Variants in LTBP1 observed in about 807,000 individuals in gnomAD.
The protein encoded by LTBP1 is latent-transforming growth factor beta-binding protein 1.
In LTBP1, 129 loss-of-function variants were observed where a neutral mutation model predicts 207.6. The ratio of observed to expected loss-of-function variants is 0.62; its 90% confidence interval spans 0.54 to 0.72. The LOEUF is 0.72. Ranked by LOEUF, LTBP1 falls within the 30% of genes least tolerant of loss-of-function variation. LTBP1 has a pLI of 0.00. For synonymous variants in LTBP1, 963 were observed against 833.7 expected (o/e 1.16, Z -2.67); for missense variants, 2,281 against 2,217.2 (o/e 1.03, Z -0.58).
chr2:33,283,224 T>C (rs2093596648), intron 19 of LTBP1, among the ~76,000 whole-genome samples: 1 of 152,062 alleles, frequency 6.6e-6, no homozygotes. Context: ...AAAAGTAAAG[T>C]AAAAGATTCA....
intron 24 of LTBP1, among the ~76,000 whole-genome samples, chr2:33,342,335 T>G (rs1237273228): frequency 6.6e-6 from 1 of 152,230 alleles, no homozygotes; most frequent in Non-Finnish European, 1.5e-5. Context: ...CCTGCTGACT[T>G]CATCAGACTC....
intron 5 of LTBP1, among the ~76,000 whole-genome samples, chr2:33,150,663 C>A (rs2083436797): frequency 6.8e-6 from 1 of 146,002 alleles, no homozygotes; most frequent in Admixed American, 6.8e-5. Flanking sequence ...TTGTGACTAG[C>A]TTATTTCACT....
intron 24 of LTBP1, among the ~76,000 whole-genome samples, chr2:33,320,397 A>G (rs79493200): frequency 0.04 from 4,494 of 112,182 alleles, 105 homozygotes; most frequent in Non-Finnish European, 0.056. Context: ...AAACTCTGTG[A>G]AAAAAAAAAA....
chr2:33,173,931 A>G (rs2085739926), intron 5 of LTBP1, among the ~76,000 whole-genome samples: 1 of 144,696 alleles, frequency 6.9e-6, no homozygotes, highest in African/African-American at 2.5e-5. Flanking sequence ...TAGATGCAGA[A>G]AAGACCTTTG....
At chr2:32,977,796 C>T (rs1404936390) in intron 2 of LTBP1, among the ~76,000 whole-genome samples, 1 of 152,188 alleles carries the variant, frequency 6.6e-6, no homozygotes, top group Non-Finnish European at 1.5e-5. Flanking sequence ...CCTCTTTGCT[C>T]TCTGTGTCCC....
intron 10 of LTBP1, among the ~76,000 whole-genome samples, chr2:33,244,735 A>C (rs1027256542): frequency 6.6e-6 from 1 of 152,200 alleles, no homozygotes; most frequent in Non-Finnish European, 1.5e-5. Context: ...GACTATAGAC[A>C]TGGGCCTTGT....
In LTBP1 at chr2:32,947,166, C is replaced by T. The variant is rs1242572108; in HGVS notation, c.-159C>T. The T allele has an allele frequency of 2.2e-6, 1 of 445,898 alleles. No homozygotes were observed. Among genetic ancestry groups the T allele is most frequent in the Non-Finnish European group, 3.6e-6 (1 of 280,296 alleles). 27.6% of individuals were successfully genotyped at this position (445,898 alleles called of 1,614,324 possible). On this transcript the variant is annotated 5_prime_UTR_variant, in exon 1 of 34. Coordinates refer to ENST00000404816, the MANE Select transcript of LTBP1 (RefSeq NM_206943.4). Reference sequence around the variant, plus strand: ...CGGGGTCTGGGGCCGCTCAGCTGCCCGCAGAGCCTCCTCCCTCGCCACCGA... The same window carrying T: ...CGGGGTCTGGGGCCGCTCAGCTGCCTGCAGAGCCTCCTCCCTCGCCACCGA...
intron 7 of LTBP1, among the ~76,000 whole-genome samples, chr2:33,208,682 C>G (rs1236622054): frequency 6.6e-6 from 1 of 152,158 alleles, no homozygotes; most frequent in African/African-American, 2.4e-5. Context: ...CAGCCCTGCC[C>G]TGGAGCTTTC....
chr2:33,313,589 G>A (rs1022874898), intron 23 of LTBP1, among the ~76,000 whole-genome samples: 2 of 152,200 alleles, frequency 1.3e-5, no homozygotes, highest in African/African-American at 2.4e-5. Flanking sequence ...GATAAAGGGA[G>A]GGCCTACGAG....
At chr2:33,353,258 C>T (rs1436801808) in intron 26 of LTBP1, among the ~76,000 whole-genome samples, 1 of 152,116 alleles carries the variant, frequency 6.6e-6, no homozygotes, top group East Asian at 1.9e-4. Context: ...GGATTACAGG[C>T]GTGAGCCACT....
At chr2:33,170,965 G>A (rs1350666129) in intron 5 of LTBP1, among the ~76,000 whole-genome samples, 1 of 152,070 alleles carries the variant, frequency 6.6e-6, no homozygotes, top group African/African-American at 2.4e-5. Context: ...CTGCTACAAG[G>A]AAAACTAACA....
chr2:33,121,803 GT>G (rs200083097), intron 4 of LTBP1, among the ~76,000 whole-genome samples: 1 of 151,086 alleles, frequency 6.6e-6, no homozygotes, highest in Non-Finnish European at 1.5e-5. Flanking sequence ...GGTCCAAAGA[GT>G]TTTTTTTTGT....
chr2:33,222,979 A>G (rs1316518623), intron 9 of LTBP1, among the ~76,000 whole-genome samples: 1 of 152,240 alleles, frequency 6.6e-6, no homozygotes, highest in Non-Finnish European at 1.5e-5. Flanking sequence ...GAGAAAGCAG[A>G]GAGCCTCCCA....
chr2:33,326,644 T>TATTTATTTATTTATTC (rs2094431673), intron 24 of LTBP1, among the ~76,000 whole-genome samples: 1 of 148,114 alleles, frequency 6.8e-6, no homozygotes, highest in African/African-American at 2.6e-5. Context: ...GGATATAATT[T>TATTTATTTATTTATTC]ATTTATTTAT....
chr2:33,179,343 T>C (rs1238474548), intron 5 of LTBP1, among the ~76,000 whole-genome samples: 1 of 152,204 alleles, frequency 6.6e-6, no homozygotes, highest in African/African-American at 2.4e-5. Context: ...ACTATGAATA[T>C]TCGTGAAGTC....
intron 7 of LTBP1, among the ~76,000 whole-genome samples, chr2:33,210,293 A>G (rs1211428556): frequency 6.6e-6 from 1 of 152,166 alleles, no homozygotes; most frequent in African/African-American, 2.4e-5. Context: ...TGGGCCTCCA[A>G]TCATCTAATT....
intron 5 of LTBP1, among the ~76,000 whole-genome samples, chr2:33,167,075 T>A (rs1442347393): frequency 6.6e-6 from 1 of 152,188 alleles, no homozygotes; most frequent in East Asian, 1.9e-4. Flanking sequence ...TTGTTTCTAC[T>A]AAGAGTCAGT....
At chr2:33,146,748 G>A (rs2083081303) in intron 5 of LTBP1, among the ~76,000 whole-genome samples, 1 of 152,130 alleles carries the variant, frequency 6.6e-6, no homozygotes, top group Non-Finnish European at 1.5e-5. Flanking sequence ...AGTGAAATGG[G>A]AGATGCTACA....
chr2:33,179,128 G>A (rs999622909), intron 5 of LTBP1, among the ~76,000 whole-genome samples: 3 of 152,148 alleles, frequency 2.0e-5, no homozygotes, highest in Non-Finnish European at 4.4e-5. Flanking sequence ...GGTGCATGTG[G>A]CTCAGGATGG....
Sources: gnomAD v4.1 joint callset for allele counts (sites outside exome capture counted in the v4.1 genomes callset) on GRCh38, gnomAD v4.1.1 for gene constraint, MANE v1.5 for transcripts, NCBI Gene and HGNC (gene_info 2026-07-23, HGNC 2026-07-21) for gene names.